The following EYS variants were observed in gnomAD, a reference collection of about 807,000 sequenced individuals.
EYS encodes the protein EGF-like photoreceptor maintenance factor, also known as protein eyes shut homolog.
EYS carries 250 observed loss-of-function variants against 282.1 expected under a neutral mutation model. That is an observed-to-expected ratio of 0.89 (90% CI 0.80 to 0.98). The LOEUF is 0.98. Among genes scored for constraint, EYS ranks in the 50% least tolerant of loss-of-function variants. EYS has a pLI of 0.00. For missense variants in EYS, 4,016 were observed against 3,709.0 expected, an observed-to-expected ratio of 1.08 and a Z score of -2.15; for synonymous variants, 1,355 against 1,282.9, an observed-to-expected ratio of 1.06 and a Z score of -1.20.
chr6:65,480,156 T>C (rs930572210), intron 5 of EYS, among the ~76,000 whole-genome samples: 1 of 151,782 alleles, frequency 6.6e-6, no homozygotes, highest in Non-Finnish European at 1.5e-5. Flanking sequence ...AGAGCAAAAC[T>C]CCATCTCAAA....
At chr6:65,469,497 T>C (rs557398747) in intron 5 of EYS, among the ~76,000 whole-genome samples, 1 of 152,210 alleles carries the variant, frequency 6.6e-6, no homozygotes, top group East Asian at 1.9e-4. Flanking sequence ...TTTAGGTCAG[T>C]GAATCTAAAA....
At chr6:64,322,401 A>G (rs1288028410) in intron 29 of EYS, among the ~76,000 whole-genome samples, 3 of 152,058 alleles carry the variant, frequency 2.0e-5, no homozygotes, top group Non-Finnish European at 4.4e-5. Context: ...TGATAACAGC[A>G]CAGTAACTTG....
intron 29 of EYS, among the ~76,000 whole-genome samples, chr6:64,320,103 T>C (rs531645569): frequency 1.4e-4 from 22 of 152,122 alleles, no homozygotes; most frequent in Admixed American, 7.9e-4. Flanking sequence ...TTTTTTGTTT[T>C]TTAAAGTCAG....
At chr6:64,899,387 A>G (rs1033467617) in intron 18 of EYS, among the ~76,000 whole-genome samples, 3 of 152,118 alleles carry the variant, frequency 2.0e-5, no homozygotes, top group Non-Finnish European at 2.9e-5. Context: ...AGAGAAAGAA[A>G]TAAAGGGTAT....
rs1280747403 is a variant in EYS at position 65,632,801 on chromosome 6, T to G, written c.-333+6977A>C. ...AGAATTGAAAAACTAGAAGATTATC[T>G]TATGATACCTAGTTTAACTTCCATG... On this transcript the variant is annotated intron_variant, in intron 2 of 42. Transcript: ENST00000503581. Among the ~76,000 whole-genome samples the G allele has an allele frequency of 2.0e-5, 3 of 152,196 alleles. No homozygotes were observed. The East Asian group carries it at 5.8e-4, about 29-fold the overall frequency.
At chr6:64,307,133 TG>T (rs1237046116) in intron 29 of EYS, 51 bp from the exon 30 acceptor site, 1 of 959,956 alleles carries the variant, frequency 1.0e-6, no homozygotes, top group Non-Finnish European at 1.6e-6. Flanking sequence ...ATGATTTTCT[TG>T]AATATATTAT....
At chr6:63,798,983 G>GTGTATATATATATATGTATA (rs1317423011) in intron 37 of EYS, among the ~76,000 whole-genome samples, 1 of 102,008 alleles carries the variant, frequency 9.8e-6, no homozygotes, top group Non-Finnish European at 1.9e-5. Context: ...ATATGTATAT[G>GTGTATATATATATATGTATA]TGTGTATATA....
intron 36 of EYS, among the ~76,000 whole-genome samples, chr6:63,817,211 A>T (rs977355013): frequency 2.0e-5 from 3 of 152,230 alleles, no homozygotes; most frequent in African/African-American, 7.2e-5. Flanking sequence ...CAGCATCCAC[A>T]AGAGATAGTC....
chr6:65,204,523 T>A (rs980019698), intron 12 of EYS, among the ~76,000 whole-genome samples: 5 of 151,720 alleles, frequency 3.3e-5, no homozygotes, highest in African/African-American at 1.2e-4. Flanking sequence ...ATTGGACCTA[T>A]AAGAAATGCT....
chr6:63,831,206 A>T (rs941849036), intron 36 of EYS, among the ~76,000 whole-genome samples: 1 of 152,222 alleles, frequency 6.6e-6, no homozygotes, highest in African/African-American at 2.4e-5. Context: ...GATCAAATTC[A>T]CACATAACAA....
chr6:64,597,980 T>C (rs1383205227), intron 24 of EYS, among the ~76,000 whole-genome samples: 2 of 152,294 alleles, frequency 1.3e-5, no homozygotes, highest in East Asian at 3.9e-4. Flanking sequence ...TCCATTGAAA[T>C]ATTACTATGT....
intron 15 of EYS, among the ~76,000 whole-genome samples, chr6:64,942,827 CAAAAAAAA>C (rs34826658): frequency 1.1e-5 from 1 of 94,306 alleles, no homozygotes; most frequent in Non-Finnish European, 2.4e-5. Flanking sequence ...GTAACTCTTC[CAAAAAAAA>C]AAAAAAAACA....
chr6:65,617,900 G>T (rs1380880532), intron 2 of EYS, among the ~76,000 whole-genome samples: 1 of 152,032 alleles, frequency 6.6e-6, no homozygotes, highest in Non-Finnish European at 1.5e-5. Context: ...TTTGATGGCT[G>T]CATAGTATTC....
chr6:63,810,277 CAAAA>C (rs944372007), intron 36 of EYS, among the ~76,000 whole-genome samples: 7 of 134,524 alleles, frequency 5.2e-5, no homozygotes, highest in East Asian at 4.4e-4. Flanking sequence ...AAAAAAAAAA[CAAAA>C]AACCAAAACA....
At chr6:65,660,783 CA>C (rs1767978160) in intron 1 of EYS, among the ~76,000 whole-genome samples, 1 of 151,704 alleles carries the variant, frequency 6.6e-6, no homozygotes, top group African/African-American at 2.4e-5. Flanking sequence ...ATTTTATTTG[CA>C]TGTGAAGCTT....
chr6:65,573,318 G>T (rs1764546180), intron 2 of EYS, among the ~76,000 whole-genome samples: 1 of 152,142 alleles, frequency 6.6e-6, no homozygotes, highest in Admixed American at 6.5e-5. Flanking sequence ...AAGCAAAGAA[G>T]AAATGTAAAA....
intron 39 of EYS, among the ~76,000 whole-genome samples, chr6:63,782,761 T>C (rs1770265395): frequency 6.6e-6 from 1 of 152,206 alleles, no homozygotes; most frequent in Non-Finnish European, 1.5e-5. Flanking sequence ...TCAGTTCTGC[T>C]CTGATCTTAG....
chr6:65,457,733 C>G (rs769855844), intron 5 of EYS, among the ~76,000 whole-genome samples: 1 of 152,050 alleles, frequency 6.6e-6, no homozygotes, highest in Non-Finnish European at 1.5e-5. Context: ...TGAAAGTTAC[C>G]AAGCTAAAGA....
At chr6:65,590,470 C>A (rs1326421214) in intron 2 of EYS, among the ~76,000 whole-genome samples, 1 of 151,920 alleles carries the variant, frequency 6.6e-6, no homozygotes, top group Non-Finnish European at 1.5e-5. Context: ...TTTATCATTT[C>A]TTTGTGGTGA....
Sources: allele counts gnomAD v4.1 joint callset (sites outside exome capture counted in the v4.1 genomes callset), GRCh38; gene constraint gnomAD v4.1.1; transcripts MANE v1.5; gene names NCBI Gene and HGNC (gene_info 2026-07-23, HGNC 2026-07-21).